CENPP: variants seen among roughly 807,000 people sequenced by gnomAD.
The protein encoded by CENPP is centromere protein P.
CENPP carries 24 observed loss-of-function variants against 35.6 expected under a neutral mutation model. The observed-to-expected ratio is 0.67, with a 90% CI of 0.49 to 0.95. The LOEUF (loss-of-function observed/expected upper bound fraction) is 0.95, where lower values mean the gene tolerates loss of function less well. Among genes scored for constraint, CENPP ranks in the 40% least tolerant of loss-of-function variants. The pLI is 0.00. For missense variants in CENPP, 332 were observed against 345.3 expected (o/e 0.96, Z 0.31); for synonymous variants, 120 against 125.5 (o/e 0.96, Z 0.29).
intron 5 of CENPP, among the ~76,000 whole-genome samples, chr9:92,426,023 G>A (rs72752474): frequency 0.036 from 5,443 of 152,238 alleles, 129 homozygotes; most frequent in South Asian, 0.086. Context: ...TTTTTAACAA[G>A]TGTGAAAGAA....
chr9:92,387,053 G>GAAAAAAAAAAAAAAAAAAAAAAAAAAA (rs903436031), intron 5 of CENPP, among the ~76,000 whole-genome samples: 1 of 50,176 alleles, frequency 2.0e-5, no homozygotes, highest in Non-Finnish European at 3.7e-5. Context: ...GTCTCAAAAA[G>GAAAAAAAAAAAAAAAAAAAAAAAAAAA]AAAAAAAAAA....
At chr9:92,567,219 T>A (rs1849987563) in intron 5 of CENPP, among the ~76,000 whole-genome samples, 1 of 151,922 alleles carries the variant, frequency 6.6e-6, no homozygotes, top group African/African-American at 2.4e-5. Context: ...AATAAAGATC[T>A]CAATAAGGCA....
chr9:92,357,459 CTCATTATTA>C (rs1841620047), intron 4 of CENPP, among the ~76,000 whole-genome samples: 1 of 119,906 alleles, frequency 8.3e-6, no homozygotes, highest in Non-Finnish European at 1.7e-5. Context: ...GATCATCTCC[CTCATTATTA>C]TTATTATTAT....
chr9:92,515,904 C>T (rs1847674018), intron 5 of CENPP, among the ~76,000 whole-genome samples: 1 of 152,134 alleles, frequency 6.6e-6, no homozygotes, highest in South Asian at 2.1e-4. Flanking sequence ...TTTATCCTTC[C>T]ATGATGGTGG....
intron 5 of CENPP, among the ~76,000 whole-genome samples, chr9:92,577,938 A>C: frequency 7.7e-6 from 1 of 129,684 alleles, no homozygotes; most frequent in African/African-American, 2.8e-5. Context: ...TCCCAATGCT[A>C]TCCCTCCCCC....
chr9:92,382,725 C>T (rs925468609), intron 5 of CENPP, among the ~76,000 whole-genome samples: 1 of 151,836 alleles, frequency 6.6e-6, no homozygotes, highest in Non-Finnish European at 1.5e-5. Flanking sequence ...ATATGGATAT[C>T]CAGTTTTCCC....
Position 92,457,519 on chromosome 9 carries a change from T to C in CENPP, c.564+77660T>C, listed in dbSNP as rs755654979. The C allele has an allele frequency of 1.9e-5, 28 of 1,473,502 alleles. No homozygotes were observed. The South Asian group carries it at 3.1e-4, about 16-fold the overall frequency. The allele number at this position is 1,473,502 out of a possible 1,614,324, so 91.3% of individuals were successfully genotyped here. ...GTAGGAAAAAAGAAAGGATTAAAAATACCCAGTAAATGTAAACGGAAGATA... is the reference window on the plus strand; with the variant it reads ...GTAGGAAAAAAGAAAGGATTAAAAACACCCAGTAAATGTAAACGGAAGATA... On this transcript the variant is annotated intron_variant, in intron 5 of 7. Coordinates refer to ENST00000375587, the MANE Select transcript of CENPP (RefSeq NM_001012267.3).
intron 4 of CENPP, among the ~76,000 whole-genome samples, chr9:92,369,177 C>G (rs1841954029): frequency 6.6e-6 from 1 of 152,132 alleles, no homozygotes; most frequent in Non-Finnish European, 1.5e-5. Context: ...GAGAGGCACA[C>G]CACACCATAG....
intron 5 of CENPP, among the ~76,000 whole-genome samples, chr9:92,551,768 C>T (rs568522572): frequency 1.2e-4 from 18 of 151,498 alleles, no homozygotes; most frequent in African/African-American, 4.1e-4. Context: ...TGAGAACATT[C>T]GATGTTTGGT....
intron 5 of CENPP, among the ~76,000 whole-genome samples, chr9:92,585,688 C>T (rs1269930362): frequency 6.6e-6 from 1 of 152,142 alleles, no homozygotes; most frequent in Non-Finnish European, 1.5e-5. Context: ...ACTCTGGAAT[C>T]TAAAATTGAC....
intron 5 of CENPP, among the ~76,000 whole-genome samples, chr9:92,582,753 A>G (rs1248289737): frequency 6.6e-6 from 1 of 152,164 alleles, no homozygotes; most frequent in Non-Finnish European, 1.5e-5. Context: ...ACAACACTTC[A>G]AATAAGCCCT....
At chr9:92,424,841 A>T (rs1195553610) in intron 5 of CENPP, among the ~76,000 whole-genome samples, 1 of 151,458 alleles carries the variant, frequency 6.6e-6, no homozygotes, top group Non-Finnish European at 1.5e-5. Flanking sequence ...TGCCTGGCTA[A>T]TTTCTTGTAT....
intron 1 of CENPP, among the ~76,000 whole-genome samples, chr9:92,330,060 A>C (rs866251143): frequency 6.6e-6 from 1 of 152,202 alleles, no homozygotes; most frequent in African/African-American, 2.4e-5. Context: ...TTCTGTGTAG[A>C]GATGGTATAA....
At chr9:92,421,186 C>T (rs374251851) in intron 5 of CENPP, among the ~76,000 whole-genome samples, 19 of 152,138 alleles carry the variant, frequency 1.2e-4, no homozygotes, top group East Asian at 3.9e-4. Flanking sequence ...ATTACAGATG[C>T]GTGCCACCAC....
intron 4 of CENPP, among the ~76,000 whole-genome samples, chr9:92,349,395 A>G (rs1841385428): frequency 6.6e-6 from 1 of 150,756 alleles, no homozygotes. Flanking sequence ...CATATTATAT[A>G]TACTTTTTTT....
At chr9:92,389,029 T>A (rs1190155434) in intron 5 of CENPP, among the ~76,000 whole-genome samples, 2 of 152,086 alleles carry the variant, frequency 1.3e-5, no homozygotes, top group Non-Finnish European at 2.9e-5. Flanking sequence ...GATTGTACAT[T>A]TTTTGACAGA....
intron 5 of CENPP, among the ~76,000 whole-genome samples, chr9:92,576,016 AT>A (rs1850274361): frequency 6.6e-6 from 1 of 152,220 alleles, no homozygotes; most frequent in African/African-American, 2.4e-5. Context: ...ACATGCCAGA[AT>A]AACTGAAAGC....
intron 5 of CENPP, chr9:92,417,035 G>A: frequency 1.2e-6 from 2 of 1,614,050 alleles, no homozygotes; most frequent in Non-Finnish European, 1.7e-6. Flanking sequence ...CTGCAGTTTG[G>A]AGATTTCATT....
chr9:92,522,479 G>T, intron 5 of CENPP: 1 of 1,218,334 alleles, frequency 8.2e-7, no homozygotes, highest in Non-Finnish European at 1.1e-6. Flanking sequence ...TATCTTCATG[G>T]AGATGTTCTC....
Sources: gnomAD v4.1 joint callset for allele counts (sites outside exome capture counted in the v4.1 genomes callset) on GRCh38, gnomAD v4.1.1 for gene constraint, MANE v1.5 for transcripts, NCBI Gene and HGNC (gene_info 2026-07-23, HGNC 2026-07-21) for gene names.